ITPRID2: variants seen among roughly 807,000 people sequenced by gnomAD.
The protein encoded by ITPRID2 is protein ITPRID2.
ITPRID2 carries 60 observed loss-of-function variants against 124.3 expected under a neutral mutation model. The ratio of observed to expected loss-of-function variants is 0.48; its 90% CI spans 0.39 to 0.60. The LOEUF is 0.60. ITPRID2 is among the 20% of genes least tolerant of loss of function. The pLI is 0.00. For missense variants in ITPRID2, 1,553 were observed against 1,512.2 expected (o/e 1.03, Z -0.45); for synonymous variants, 521 against 542.9 (o/e 0.96, Z 0.56).
chr2:181,922,126 C>T lies in ITPRID2; in HGVS notation c.3389C>T (p.Pro1130Leu). Residue 1130 changes from proline (P) to leucine (L), a missense_variant, in exon 16 of 18, where the codon CCT (proline) becomes CTT (leucine). Physicochemically the swap from Pro to Leu is moderately conservative, Grantham distance 98. Coordinates refer to ENST00000431877, the MANE Select transcript of ITPRID2 (RefSeq NM_001130445.3). ...PSHANRRTGV[P>L]STASVGKSKT... The stretch of plus-strand genomic sequence containing the variant: ...CATGCTAACAGAAGAACTGGAGTAC[C>T]TTCTACTGCCTCAGTGGGCAAATCC... 6.2e-7 allele frequency: 1 copy of T among 1,614,212 alleles called. No homozygotes were observed. The highest frequency in any genetic ancestry group is 8.5e-7 in the Non-Finnish European group (1 of 1,180,032).
chr2:181,920,524 C>A, intron 14 of ITPRID2, 73 bp from the exon 15 acceptor site: 2 of 1,081,714 alleles, frequency 1.8e-6, no homozygotes, highest in Non-Finnish European at 2.6e-6. Context: ...TATATATGTA[C>A]ATTATAATTA....
intron 11 of ITPRID2, chr2:181,917,647 G>C (rs985390416): frequency 5.2e-5 from 8 of 152,452 alleles, no homozygotes; most frequent in African/African-American, 1.9e-4. Context: ...CCCTACACTA[G>C]TGGACAGGTG....
chr2:181,902,089 A>C lies in ITPRID2; in HGVS notation c.1036A>C (p.Ile346Leu), dbSNP rs542092662. 5 of 1,610,712 alleles carry C rather than the reference A, an allele frequency of 3.1e-6. No homozygotes were observed. The Admixed American group carries it at 5.1e-5, about 16-fold the overall frequency. The change falls in exon 8 of 18, where the codon ATT becomes CTT. Residue 346 changes from isoleucine (I) to leucine (L), a missense_variant. Coordinates refer to ENST00000431877, the MANE Select transcript of ITPRID2 (RefSeq NM_001130445.3). The surrounding 1 kb of genome is among the most constrained non-coding windows in gnomAD (Gnocchi z 4.4). ...TAAAAACGATCAAAAGTCTCAAAAA[A>C]TTATGAAGAAGAAAGAGTCATCTTC... The part of the protein sequence containing the change: ...GNKNDQKSQK[I>L]MKKKESSSML...
intron 11 of ITPRID2, chr2:181,917,437 T>C (rs926216267): frequency 1.6e-4 from 24 of 152,372 alleles, no homozygotes; most frequent in African/African-American, 4.3e-4. Flanking sequence ...GTGTTTCTTA[T>C]TCCTCCTTAC....
At chr2:181,927,747 G>A (rs920668262) in intron 16 of ITPRID2, among the ~76,000 whole-genome samples, 3 of 152,100 alleles carry the variant, frequency 2.0e-5, no homozygotes, top group African/African-American at 4.8e-5. Flanking sequence ...ATACTATTTT[G>A]CCTCTAAAAG....
intron 11 of ITPRID2, 62 bp downstream of exon 11, chr2:181,916,489 TCA>T (rs1404650953): frequency 6.5e-7 from 1 of 1,536,668 alleles, no homozygotes; most frequent in Non-Finnish European, 8.7e-7. Context: ...ACTTTTTAAT[TCA>T]CAGAGAAGCT....
In ITPRID2 at chr2:181,928,269, G is replaced by A. The variant is rs1559025810; in HGVS notation, c.*4G>A. 1 of 1,514,794 alleles carries A rather than the reference G, an allele frequency of 6.6e-7. No homozygotes were observed. Among genetic ancestry groups the A allele is most frequent in the South Asian group, 1.3e-5 (1 of 78,836 alleles). The allele number at this position is 1,514,794 out of a possible 1,614,324, so 93.8% of individuals were successfully genotyped here. The stretch of plus-strand genomic sequence containing the variant: ...TTCTAAGCAAGATTATCATTAAACA[G>A]AAATTATAGGTAAATTTTTCTGAGT... On this transcript the variant is annotated 3_prime_UTR_variant, in exon 17 of 18. Transcript: ENST00000431877.
In ITPRID2 at chr2:181,905,802, T is replaced by G. The variant is rs1438168295; in HGVS notation, c.1413+3336T>G. Among the ~76,000 whole-genome samples, 1 of 152,236 alleles carries G rather than the reference T, an allele frequency of 6.6e-6. No individual in the cohort carries two copies. The highest frequency in any genetic ancestry group is 2.4e-5 in the African/African-American group (1 of 41,470). ...TTAAGTTTTAGGATTTTTCTATGTT[T>G]ATTGGTCTGAGTTAAAATAATCCCA... On this transcript the variant is annotated intron_variant, in intron 8 of 17. Coordinates refer to ENST00000431877, the MANE Select transcript of ITPRID2 (RefSeq NM_001130445.3). This position sits in a 1 kb window ranked among gnomAD's most constrained non-coding sequence, Gnocchi z 4.1.
chr2:181,902,549 C>T lies in ITPRID2; in HGVS notation c.1413+83C>T, dbSNP rs991384424. 1 of 1,022,134 alleles carries T rather than the reference C, an allele frequency of 9.8e-7. No individual in the cohort carries two copies. The highest frequency in any genetic ancestry group is 1.4e-6 in the Non-Finnish European group (1 of 714,712). 63.3% of individuals were successfully genotyped at this position (1,022,134 alleles called of 1,614,324 possible). A position where few individuals can be genotyped will look rare whatever the true frequency, so the allele number is the denominator to read the frequency against. On this transcript the variant is annotated intron_variant, in intron 8 of 17. Coordinates refer to ENST00000431877, the MANE Select transcript of ITPRID2 (RefSeq NM_001130445.3). This position sits in a 1 kb window ranked among gnomAD's most constrained non-coding sequence, Gnocchi z 4.4. ...AAAATGCTTATAAAATGAGAGGTAG[C>T]TAATAGATTTATACTAGAAAAATTT... is the stretch of plus-strand genomic sequence containing the variant.
chr2:181,916,950 T>C, intron 11 of ITPRID2: 1 of 988,236 alleles, frequency 1.0e-6, no homozygotes. Flanking sequence ...AGAGTTAGTC[T>C]ACTTCCACTG....
In ITPRID2 at chr2:181,892,359, C is replaced by T; in HGVS notation, c.211+82C>T. The T allele has an allele frequency of 7.0e-7, 1 of 1,429,350 alleles. No individual in the cohort carries two copies. Among genetic ancestry groups the T allele is most frequent in the Non-Finnish European group, 9.3e-7 (1 of 1,072,664 alleles). 88.5% of individuals were successfully genotyped at this position (1,429,350 alleles called of 1,614,324 possible). A position where few individuals can be genotyped will look rare whatever the true frequency, so the allele number is the denominator to read the frequency against. On this transcript the variant is annotated intron_variant, in intron 1 of 17. Coordinates refer to ENST00000431877, the MANE Select transcript of ITPRID2 (RefSeq NM_001130445.3). The surrounding 1 kb of genome is among the most constrained non-coding windows in gnomAD (Gnocchi z 5.2). ...GCGCCCTGGGCGCCTGCCACGAGTT[C>T]TGGGAGAGCCTCGGGCACGGTAGGC...
rs1462922733 is a variant in ITPRID2 at position 181,902,048 on chromosome 2, T to C, written c.995T>C (p.Ile332Thr). Residue 332 changes from isoleucine (I) to threonine (T), a missense_variant, in exon 8 of 18, where the codon ATT becomes ACT. Transcript: ENST00000431877. The surrounding 1 kb of genome is among the most constrained non-coding windows in gnomAD (Gnocchi z 4.4). ...EKGKILNVSVIEESGNKNDQK... is the reference protein window; with the variant it reads ...EKGKILNVSVTEESGNKNDQK... The stretch of plus-strand genomic sequence containing the variant: ...GGAAAGATTCTAAATGTTTCAGTGA[T>C]TGAAGAAAGTGGCAATAAAAACGAT... The C allele has an allele frequency of 6.2e-7, 1 of 1,612,494 alleles. No individual in the cohort carries two copies. The highest frequency in any genetic ancestry group is 1.1e-5 in the South Asian group (1 of 90,532).
At position 181,919,939 on chromosome 2, in the gene ITPRID2, A is replaced by G. The variant is rs1009523019; in HGVS notation, c.3144+493A>G. On this transcript the variant is annotated intron_variant, in intron 14 of 17. Coordinates refer to ENST00000431877, the MANE Select transcript of ITPRID2 (RefSeq NM_001130445.3). The surrounding 1 kb of genome is among the most constrained non-coding windows in gnomAD (Gnocchi z 4.2). The stretch of plus-strand genomic sequence containing the variant: ...TTTTCATACATATATATACATACAC[A>G]TACATATATGTATTTTCCTAAATAT... Among the ~76,000 whole-genome samples the G allele has an allele frequency of 4.6e-5, 7 of 152,104 alleles. No individual in the cohort carries two copies. The highest frequency in any genetic ancestry group is 4.6e-4 in the Admixed American group (7 of 15,282).
chr2:181,918,504 T>C, intron 11 of ITPRID2, 94 bp from the exon 12 acceptor site: 1 of 1,543,150 alleles, frequency 6.5e-7, no homozygotes, highest in Non-Finnish European at 8.7e-7. Flanking sequence ...AAGAGAAAAA[T>C]ATATAGGCCC....
intron 16 of ITPRID2, among the ~76,000 whole-genome samples, chr2:181,924,641 G>T (rs141288347): frequency 6.6e-6 from 1 of 152,242 alleles, no homozygotes; most frequent in East Asian, 1.9e-4. Context: ...TATCTGTCAG[G>T]CCTTTGTTTC....
chr2:181,908,590 T>C (rs1047883384), intron 8 of ITPRID2, among the ~76,000 whole-genome samples: 1 of 152,228 alleles, frequency 6.6e-6, no homozygotes, highest in African/African-American at 2.4e-5. Flanking sequence ...TTTTTATATA[T>C]CTGATCTACA....
intron 11 of ITPRID2, chr2:181,916,894 C>CT: frequency 1.0e-6 from 1 of 996,652 alleles, no homozygotes; most frequent in Non-Finnish European, 1.2e-6. Context: ...TCGTAGCTCT[C>CT]TGACTAAGCT....
intron 9 of ITPRID2, among the ~76,000 whole-genome samples, chr2:181,911,960 A>T (rs148960331): frequency 1.3e-5 from 2 of 152,174 alleles, no homozygotes; most frequent in Non-Finnish European, 2.9e-5. Flanking sequence ...CAAACTGTGT[A>T]CTTAGACAGG....
At position 181,892,486 on chromosome 2, in the gene ITPRID2, G is replaced by T; in HGVS notation, c.212-129G>T. 1 of 1,282,884 alleles carries T rather than the reference G, an allele frequency of 7.8e-7. No homozygotes were observed. Among genetic ancestry groups the T allele is most frequent in the East Asian group, 2.4e-5 (1 of 41,750 alleles). 79.5% of individuals were successfully genotyped at this position (1,282,884 alleles called of 1,614,324 possible). On this transcript the variant is annotated intron_variant, in intron 1 of 17. Transcript: ENST00000431877. The surrounding 1 kb of genome is among the most constrained non-coding windows in gnomAD (Gnocchi z 5.2). Reference sequence around the variant, plus strand: ...GGGTGCCATCCGATTTCCCTGCCAAGGGACACTGAGACGTGTCGCTTAGGC... The same window carrying T: ...GGGTGCCATCCGATTTCCCTGCCAATGGACACTGAGACGTGTCGCTTAGGC...
Sources: allele counts gnomAD v4.1 joint callset (sites outside exome capture counted in the v4.1 genomes callset), GRCh38; gene constraint gnomAD v4.1.1; non-coding constraint Gnocchi (gnomAD v3.1); transcripts MANE v1.5; gene names NCBI Gene and HGNC (gene_info 2026-07-23, HGNC 2026-07-21).